The following DPP6 variants were observed in gnomAD, a reference collection of about 807,000 sequenced individuals.
DPP6 encodes the protein dipeptidyl peptidase like 6.
A neutral mutation model predicts 122.6 loss-of-function variants in DPP6; 69 were observed. The observed-to-expected ratio is 0.56, with a 90% CI of 0.46 to 0.69. DPP6 has a LOEUF of 0.69. Ranked by LOEUF, DPP6 falls within the 30% of genes least tolerant of loss-of-function variation. DPP6 has a pLI of 0.00. For synonymous variants in DPP6, 418 were observed against 433.1 expected (o/e 0.97, Z 0.43); for missense variants, 928 against 1,116.9 (o/e 0.83, Z 2.41).
intron 16 of DPP6, among the ~76,000 whole-genome samples, chr7:154,828,714 C>T (rs1420769052): frequency 6.6e-6 from 1 of 152,188 alleles, no homozygotes; most frequent in Non-Finnish European, 1.5e-5. Context: ...AAAATCTAAC[C>T]ATGTTTCCCC....
At chr7:154,654,655 T>C (rs1837125765) in intron 6 of DPP6, among the ~76,000 whole-genome samples, 3 of 151,964 alleles carry the variant, frequency 2.0e-5, no homozygotes, top group African/African-American at 7.3e-5. Flanking sequence ...TGACCTTCTC[T>C]GATCCTCCTG....
the DPP6 span, among the ~76,000 whole-genome samples, chr7:153,824,227 A>G: frequency 1.1e-3 from 172 of 152,064 alleles, 2 homozygotes; most frequent in East Asian, 0.028. Context: ...TGTCTCTACT[A>G]AATACGCAAA....
chr7:154,648,931 AAAAT>A (rs1263297754), intron 6 of DPP6, among the ~76,000 whole-genome samples: 2 of 123,374 alleles, frequency 1.6e-5, no homozygotes, highest in African/African-American at 5.6e-5. Context: ...AAAAAAAAAA[AAAAT>A]ACACTTTTTA....
intron 1 of DPP6, among the ~76,000 whole-genome samples, chr7:153,988,130 A>G (rs552021047): frequency 4.6e-5 from 7 of 152,288 alleles, no homozygotes; most frequent in Admixed American, 3.9e-4. Flanking sequence ...TTAATCTTAG[A>G]TGGGTGGCTG....
chr7:154,823,683 ACTAGAGGAC>A (rs1166460122), intron 16 of DPP6, among the ~76,000 whole-genome samples: 1 of 152,226 alleles, frequency 6.6e-6, no homozygotes, highest in Non-Finnish European at 1.5e-5. Flanking sequence ...CCAGGCAGAA[ACTAGAGGAC>A]CAGTGATAGG....
chr7:154,030,239 C>A (rs1409795613), intron 1 of DPP6, among the ~76,000 whole-genome samples: 1 of 152,184 alleles, frequency 6.6e-6, no homozygotes, highest in African/African-American at 2.4e-5. Context: ...GGCTATTTCT[C>A]TGCCCCTGAC....
At chr7:154,735,093 A>G (rs1714870782) in intron 8 of DPP6, among the ~76,000 whole-genome samples, 1 of 152,202 alleles carries the variant, frequency 6.6e-6, no homozygotes, top group African/African-American at 2.4e-5. Flanking sequence ...CTGAAGCTCT[A>G]TTCACTCATA....
chr7:154,534,513 CA>C (rs1408921091), intron 3 of DPP6, among the ~76,000 whole-genome samples: 1 of 151,870 alleles, frequency 6.6e-6, no homozygotes, highest in Non-Finnish European at 1.5e-5. Flanking sequence ...TGAACTAGAA[CA>C]AAAAAGTGCA....
intron 1 of DPP6, among the ~76,000 whole-genome samples, chr7:154,284,647 G>A (rs538214850): frequency 1.3e-5 from 2 of 152,330 alleles, no homozygotes; most frequent in East Asian, 1.9e-4. Context: ...TTGAGGTCAG[G>A]AGTTCAAGAC....
At chr7:154,811,893 T>C (rs1157865898) in intron 16 of DPP6, among the ~76,000 whole-genome samples, 1 of 152,196 alleles carries the variant, frequency 6.6e-6, no homozygotes, top group Admixed American at 6.5e-5. Context: ...TCCTGCAGCA[T>C]TTTGTTATAT....
chr7:154,158,095 A>G (rs906029200), intron 1 of DPP6, among the ~76,000 whole-genome samples: 2 of 149,726 alleles, frequency 1.3e-5, no homozygotes. Context: ...ACCTTCCCCC[A>G]TACTCCCATA....
intron 1 of DPP6, among the ~76,000 whole-genome samples, chr7:154,287,987 G>T (rs1439717294): frequency 6.6e-6 from 1 of 152,140 alleles, no homozygotes; most frequent in Admixed American, 6.5e-5. Flanking sequence ...GTAAAAATGG[G>T]GCAAAAGTTA....
At chr7:153,968,471 G>T (rs910918441) in intron 1 of DPP6, among the ~76,000 whole-genome samples, 1 of 151,946 alleles carries the variant, frequency 6.6e-6, no homozygotes, top group African/African-American at 2.4e-5. Context: ...TGTGAAAAAT[G>T]GACATTTTTA....
chr7:154,769,138 G>GA (rs1178944720), intron 8 of DPP6, among the ~76,000 whole-genome samples: 7 of 151,310 alleles, frequency 4.6e-5, no homozygotes, highest in African/African-American at 1.5e-4. Flanking sequence ...TGTGTGCAAA[G>GA]AAAAAAAAAG....
chr7:154,446,438 A>C, intron 2 of DPP6, 110 bp downstream of exon 2: 1 of 640,980 alleles, frequency 1.6e-6, no homozygotes, highest in South Asian at 2.8e-5. Flanking sequence ...ATTTTTCCCA[A>C]GTTCTAATTC....
chr7:153,768,891 A>C, the DPP6 span, among the ~76,000 whole-genome samples: 1 of 152,206 alleles, frequency 6.6e-6, no homozygotes, highest in Non-Finnish European at 1.5e-5. Context: ...CCCAAATTCT[A>C]TGAATCTAAT....
Position 154,267,389 on chromosome 7 carries a change from T to C in DPP6, c.244-178825T>C, listed in dbSNP as rs1445058178. On this transcript the variant is annotated intron_variant, in intron 1 of 25. Coordinates refer to ENST00000377770, the MANE Select transcript of DPP6 (RefSeq NM_130797.4). ...ACAAATTATATATATATTTATCCCT[T>C]ATATATATTTTATATATATCCCTTA... 2.0e-5 allele frequency among the ~76,000 whole-genome samples: 3 copies of C among 148,382 alleles called. No homozygotes were observed. The East Asian group carries it at 5.8e-4, about 29-fold the overall frequency.
At chr7:154,830,449 T>C (rs1233417260) in intron 16 of DPP6, among the ~76,000 whole-genome samples, 2 of 152,190 alleles carry the variant, frequency 1.3e-5, no homozygotes, top group Non-Finnish European at 2.9e-5. Flanking sequence ...GAAAGGTAGA[T>C]TGAGATAAGT....
At chr7:154,555,472 G>A (rs548018204) in intron 4 of DPP6, among the ~76,000 whole-genome samples, 6 of 152,062 alleles carry the variant, frequency 3.9e-5, no homozygotes, top group African/African-American at 1.4e-4. Context: ...GTTGTGGGGT[G>A]GGGGAAGGGG....
Sources: allele counts gnomAD v4.1 joint callset (sites outside exome capture counted in the v4.1 genomes callset), GRCh38; gene constraint gnomAD v4.1.1; transcripts MANE v1.5; gene names NCBI Gene and HGNC (gene_info 2026-07-23, HGNC 2026-07-21).